The following KCNQ3 variants were observed in gnomAD, a reference collection of about 807,000 sequenced individuals.
The protein encoded by KCNQ3 is potassium voltage-gated channel subfamily KQT member 3.
KCNQ3 carries 30 observed loss-of-function variants against 92.5 expected under a neutral mutation model. That is an observed-to-expected ratio of 0.32 (90% confidence interval 0.24 to 0.44). The LOEUF (loss-of-function observed/expected upper bound fraction) is 0.44, where lower values mean the gene tolerates loss of function less well. Among genes scored for constraint, KCNQ3 ranks in the 20% least tolerant of loss-of-function variants. KCNQ3 has a pLI of 1.00. For synonymous variants in KCNQ3, 450 were observed against 468.8 expected (o/e 0.96, Z 0.52); for missense variants, 913 against 1,140.3 (o/e 0.80, Z 2.87).
intron 1 of KCNQ3, among the ~76,000 whole-genome samples, chr8:132,211,878 G>C (rs1486760892): frequency 1.3e-5 from 2 of 149,992 alleles, no homozygotes; most frequent in Admixed American, 1.3e-4. Flanking sequence ...GCTTGAACCT[G>C]AGAGGCAGGG....
intron 1 of KCNQ3, among the ~76,000 whole-genome samples, chr8:132,344,168 A>T (rs1818614195): frequency 6.6e-6 from 1 of 152,206 alleles, no homozygotes; most frequent in Admixed American, 6.5e-5. Flanking sequence ...TCATCTGATT[A>T]TATCCAGGTT....
At chr8:132,211,450 C>G (rs541989927) in intron 1 of KCNQ3, among the ~76,000 whole-genome samples, 1 of 152,054 alleles carries the variant, frequency 6.6e-6, no homozygotes. Flanking sequence ...TTGACCTTTC[C>G]CCCTCCTCCT....
chr8:132,216,310 G>A (rs772426997), intron 1 of KCNQ3, among the ~76,000 whole-genome samples: 3 of 152,242 alleles, frequency 2.0e-5, no homozygotes, highest in Non-Finnish European at 4.4e-5. Flanking sequence ...TTTTGAGCGC[G>A]TGATATTCTG....
chr8:132,155,220 T>C (rs1825766983), intron 9 of KCNQ3, among the ~76,000 whole-genome samples: 1 of 152,204 alleles, frequency 6.6e-6, no homozygotes, highest in South Asian at 2.1e-4. Context: ...GGATATGAGT[T>C]ACAATTCCCT....
chr8:132,479,988 A>G (rs1563925561), intron 1 of KCNQ3, among the ~76,000 whole-genome samples, 159 bp downstream of exon 1: 1 of 147,742 alleles, frequency 6.8e-6, no homozygotes, highest in East Asian at 2.0e-4. Flanking sequence ...ACACACACAC[A>G]CACACCCAGG....
At chr8:132,181,993 C>T (rs1414109455) in intron 3 of KCNQ3, among the ~76,000 whole-genome samples, 3 of 149,202 alleles carry the variant, frequency 2.0e-5, no homozygotes, top group African/African-American at 4.9e-5. Context: ...TGCAGTGAGC[C>T]GAGATCGTGC....
chr8:132,129,572 T>C lies in KCNQ3; in HGVS notation c.2309A>G (p.Tyr770Cys), dbSNP rs2130923203. 2 of 1,614,054 alleles carry C rather than the reference T, an allele frequency of 1.2e-6. No individual in the cohort carries two copies. Among genetic ancestry groups the C allele is most frequent in the Non-Finnish European group, 1.7e-6 (2 of 1,180,010 alleles). ...CHSQADLQGPYSDRISPRQRR... is the reference protein window; with the variant it reads ...CHSQADLQGPCSDRISPRQRR... ...CTGCCGGGGGGAGATTCGGTCCGAGTAGGGGCCCTGCAGGTCAGCCTGGGA... is the reference window on the plus strand; with the variant it reads ...CTGCCGGGGGGAGATTCGGTCCGAGCAGGGGCCCTGCAGGTCAGCCTGGGA... Residue 770 changes from tyrosine (Y) to cysteine (C), a missense_variant, in exon 15 of 15, where the codon TAC becomes TGC. By Grantham distance (194) the Tyr-to-Cys change is radical (BLOSUM62 -2). Transcript: ENST00000388996. This position sits in a 1 kb window ranked among gnomAD's most constrained non-coding sequence, Gnocchi z 5.9.
intron 9 of KCNQ3, among the ~76,000 whole-genome samples, chr8:132,152,510 A>G (rs1297039750): frequency 6.6e-6 from 1 of 152,064 alleles, no homozygotes; most frequent in Admixed American, 6.5e-5. Flanking sequence ...ATAAGAATCC[A>G]TTTTCTTTTG....
chr8:132,272,370 C>T (rs1816177125), intron 1 of KCNQ3, among the ~76,000 whole-genome samples: 1 of 152,166 alleles, frequency 6.6e-6, no homozygotes, highest in Non-Finnish European at 1.5e-5. Context: ...GCCCACATGG[C>T]CAAAGCTACC....
chr8:132,384,911 G>A (rs1433724151), intron 1 of KCNQ3, among the ~76,000 whole-genome samples: 3 of 152,196 alleles, frequency 2.0e-5, no homozygotes, highest in South Asian at 4.1e-4. Context: ...CACATGCAAT[G>A]CTTTTCCCAG....
At chr8:132,393,294 G>T (rs1403816372) in intron 1 of KCNQ3, among the ~76,000 whole-genome samples, 1 of 152,162 alleles carries the variant, frequency 6.6e-6, no homozygotes, top group Non-Finnish European at 1.5e-5. Flanking sequence ...GTCTTTGTTG[G>T]TGTTCATGGC....
At chr8:132,427,510 T>C (rs1821141560) in intron 1 of KCNQ3, among the ~76,000 whole-genome samples, 1 of 152,180 alleles carries the variant, frequency 6.6e-6, no homozygotes, top group African/African-American at 2.4e-5. Flanking sequence ...GATAAACACT[T>C]AAAATCCTAC....
chr8:132,313,735 A>G (rs748324759), intron 1 of KCNQ3, among the ~76,000 whole-genome samples: 6 of 152,220 alleles, frequency 3.9e-5, no homozygotes, highest in Non-Finnish European at 8.8e-5. Flanking sequence ...CTTTTGAAAA[A>G]TATAGTCAGA....
At chr8:132,445,592 T>G (rs1821654360) in intron 1 of KCNQ3, among the ~76,000 whole-genome samples, 1 of 152,188 alleles carries the variant, frequency 6.6e-6, no homozygotes, top group Non-Finnish European at 1.5e-5. Flanking sequence ...TGAAGACATC[T>G]TCCCCAATCC....
chr8:132,359,923 T>C (rs973151451), intron 1 of KCNQ3, among the ~76,000 whole-genome samples: 2 of 152,186 alleles, frequency 1.3e-5, no homozygotes, highest in African/African-American at 4.8e-5. Flanking sequence ...TCTGACTTCA[T>C]CTGCATCTCC....
intron 1 of KCNQ3, among the ~76,000 whole-genome samples, chr8:132,230,178 C>T (rs1316079696): frequency 1.3e-5 from 2 of 152,146 alleles, no homozygotes; most frequent in African/African-American, 4.8e-5. Flanking sequence ...TGGATGTAAT[C>T]AGAATCCAAA....
chr8:132,476,740 T>TA (rs563159860), intron 1 of KCNQ3, among the ~76,000 whole-genome samples: 33 of 152,338 alleles, frequency 2.2e-4, no homozygotes, highest in African/African-American at 5.8e-4. Flanking sequence ...ACTTTGGACT[T>TA]AGACTTTTGA....
At chr8:132,470,272 G>GTGTGTT (rs1455409076) in intron 1 of KCNQ3, among the ~76,000 whole-genome samples, 3 of 152,158 alleles carry the variant, frequency 2.0e-5, no homozygotes, top group African/African-American at 4.8e-5. Flanking sequence ...TGTATGCTTT[G>GTGTGTT]TGTGTTTGTG....
chr8:132,351,729 T>C (rs2130705594), intron 1 of KCNQ3, among the ~76,000 whole-genome samples: 1 of 152,272 alleles, frequency 6.6e-6, no homozygotes, highest in South Asian at 2.1e-4. Context: ...AGGCTGTGGC[T>C]TGAGAAGCAT....
Sources: allele counts gnomAD v4.1 joint callset (sites outside exome capture counted in the v4.1 genomes callset), GRCh38; gene constraint gnomAD v4.1.1; non-coding constraint Gnocchi (gnomAD v3.1); transcripts MANE v1.5; gene names NCBI Gene and HGNC (gene_info 2026-07-23, HGNC 2026-07-21).